Variants in ANKRD26 observed in about 807,000 individuals in gnomAD.
The protein encoded by ANKRD26 is ankyrin repeat domain 26.
In ANKRD26, 141 loss-of-function variants were observed where a neutral mutation model predicts 208.7. The ratio of observed to expected loss-of-function variants is 0.68; its 90% confidence interval spans 0.59 to 0.78. ANKRD26 has a LOEUF of 0.78. Ranked by LOEUF, ANKRD26 falls within the 30% of genes least tolerant of loss-of-function variation. ANKRD26 has a pLI of 0.00. For missense variants in ANKRD26, 1,889 were observed against 1,938.7 expected (o/e 0.97, Z 0.48); for synonymous variants, 636 against 660.4 (o/e 0.96, Z 0.57).
rs182670159 is a variant in ANKRD26 at position 27,032,730 on chromosome 10, G to A, written c.3807+495C>T. On this transcript the variant is annotated intron_variant, in intron 25 of 33. Transcript: ENST00000376087. ...CTCAGGAGGCTGAGGCAAAAGAATC[G>A]CTTGAACCGGGGAGGTGAAGGTTGC... 3.5e-4 allele frequency among the ~76,000 whole-genome samples: 53 copies of A among 151,942 alleles called. No homozygotes were observed. The East Asian group carries it at 3.7e-3, about 11-fold the overall frequency.
chr10:27,007,099 T>C, intron 32 of ANKRD26, 137 bp from the exon 33 acceptor site: 2 of 622,600 alleles, frequency 3.2e-6, no homozygotes, highest in Non-Finnish European at 5.7e-6. Flanking sequence ...AATATAAAAA[T>C]AATCACATAA....
At chr10:27,063,473 ACCACAC>A (rs1336380027) in intron 12 of ANKRD26, among the ~76,000 whole-genome samples, 3 of 152,006 alleles carry the variant, frequency 2.0e-5, no homozygotes, top group African/African-American at 4.8e-5. Flanking sequence ...GGTGCGTGCC[ACCACAC>A]CCAGCTAATT....
intron 23 of ANKRD26, 100 bp from the exon 24 acceptor site, chr10:27,035,852 G>T (rs66585308): frequency 8.7e-6 from 8 of 920,246 alleles, no homozygotes; most frequent in Non-Finnish European, 1.3e-5. Context: ...TACAATAAAG[G>T]GTTGCAATAA....
At chr10:27,095,169 T>C (rs1404555676) in intron 1 of ANKRD26, among the ~76,000 whole-genome samples, 1 of 152,216 alleles carries the variant, frequency 6.6e-6, no homozygotes, top group Non-Finnish European at 1.5e-5. Flanking sequence ...TAAAACAAAG[T>C]AATTCTTATT....
At chr10:27,057,010 T>C (rs900227558) in intron 15 of ANKRD26, among the ~76,000 whole-genome samples, 3 of 152,214 alleles carry the variant, frequency 2.0e-5, no homozygotes, top group Admixed American at 6.5e-5. Context: ...TGATTTTTGG[T>C]CACTGACTGT....
At chr10:27,009,411 A>AT (rs1164311563) in intron 32 of ANKRD26, among the ~76,000 whole-genome samples, 3 of 152,344 alleles carry the variant, frequency 2.0e-5, no homozygotes, top group African/African-American at 2.4e-5. Flanking sequence ...AGTCCCTTTC[A>AT]TTTTATTCCT....
In ANKRD26 at chr10:27,093,497, C is replaced by T; in HGVS notation, c.383G>A (p.Cys128Tyr). ...MKAVQCQEEK[C>Y]ATILLEHGAD... ...ACCATGTTCTAGCAGAATAGTTGCA[C>T]ATTTCTCTTCCTGGCATTGTACAGC... The change falls in exon 3 of 34, where the codon TGT becomes TAT. Residue 128 changes from cysteine (C) to tyrosine (Y), a missense_variant. Physicochemically the swap from Cys to Tyr is radical, Grantham distance 194. Coordinates refer to ENST00000376087, the MANE Select transcript of ANKRD26 (RefSeq NM_014915.3). 3 of 1,614,186 alleles carry T rather than the reference C, an allele frequency of 1.9e-6. No homozygotes were observed. Among genetic ancestry groups the T allele is most frequent in the Non-Finnish European group, 8.5e-7 (1 of 1,180,038 alleles).
downstream of ANKRD26, among the ~76,000 whole-genome samples, chr10:26,987,486 A>C (rs1165616020): frequency 6.6e-6 from 1 of 152,188 alleles, no homozygotes; most frequent in African/African-American, 2.4e-5. Context: ...ACCTCTAATA[A>C]GGAAACCACG....
At chr10:27,039,818 T>A in intron 21 of ANKRD26, 147 bp downstream of exon 21, 1 of 675,442 alleles carries the variant, frequency 1.5e-6, no homozygotes. Context: ...TAAGAACTAG[T>A]TATATTATTT....
chr10:27,065,927 G>A (rs1424127730), intron 11 of ANKRD26, among the ~76,000 whole-genome samples: 2 of 133,236 alleles, frequency 1.5e-5, no homozygotes, highest in African/African-American at 5.5e-5. Flanking sequence ...GTGCAGCAGC[G>A]CGATCTCAGC....
intron 30 of ANKRD26, among the ~76,000 whole-genome samples, chr10:27,015,029 T>A (rs1283865853): frequency 6.6e-5 from 10 of 151,878 alleles, no homozygotes; most frequent in Non-Finnish European, 1.5e-5. Context: ...ATATAGAAAA[T>A]AAAAAATTAT....
At position 27,077,534 on chromosome 10, in the gene ANKRD26, G is replaced by A. The variant is rs1178839045; in HGVS notation, c.881C>T (p.Ala294Val). Residue 294 changes from alanine to valine, a missense_variant, in exon 9 of 34, where the codon GCA becomes GTA. Physicochemically the swap from Ala to Val is moderately conservative, Grantham distance 64. Coordinates refer to ENST00000376087, the MANE Select transcript of ANKRD26 (RefSeq NM_014915.3). ...TCCTGTTCTCACAGTGCCATATGTT[G>A]CTTCTACTACAGTAAAAACAAAATA... Reference protein sequence around the residue: ...ASQQSRKNLEATYGTVRTGNR... With the variant: ...ASQQSRKNLEVTYGTVRTGNR... 3 of 1,613,660 alleles carry A rather than the reference G, an allele frequency of 1.9e-6. No individual in the cohort carries two copies. The highest frequency in any genetic ancestry group is 2.2e-5 in the East Asian group (1 of 44,872).
intron 4 of ANKRD26, among the ~76,000 whole-genome samples, chr10:27,087,906 G>A (rs2056174858): frequency 6.6e-6 from 1 of 151,966 alleles, no homozygotes. Flanking sequence ...TCAGCCCCAC[G>A]AGTAGCTAGG....
At chr10:27,012,513 G>T (rs11015453) in intron 32 of ANKRD26, among the ~76,000 whole-genome samples, 1,862 of 151,876 alleles carry the variant, frequency 0.012, 22 homozygotes, top group South Asian at 0.036. Flanking sequence ...TTAAAAACAA[G>T]AATTATATCA....
downstream of ANKRD26, among the ~76,000 whole-genome samples, chr10:26,991,500 G>C (rs950219518): frequency 6.6e-6 from 1 of 151,846 alleles, no homozygotes; most frequent in South Asian, 2.1e-4. Context: ...GCAATGGCAC[G>C]ATCTTGGCTC....
At chr10:26,948,164 C>A in the ANKRD26 span, among the ~76,000 whole-genome samples, 1 of 152,204 alleles carries the variant, frequency 6.6e-6, no homozygotes, top group African/African-American at 2.4e-5. Context: ...TGGTCTTCAA[C>A]TCCTGACCTC....
rs750400044 is a variant in ANKRD26, at chr10:27,086,575, T to C, written c.673A>G (p.Arg225Gly). The change falls in exon 5 of 34, where the codon AGG becomes GGG. Residue 225 changes from arginine to glycine, a missense_variant. By Grantham distance (125) the Arg-to-Gly change is moderately radical (BLOSUM62 -2). This residue lies in a region of ANKRD26 where 1,272 missense variants were observed against 1,273.8 expected (regional missense o/e 1.00). Transcript: ENST00000376087. ...TTTTGAGAAGAATGTTTAGGTATCC[T>C]TTCTTCTTTATATTCTGAAATTAGT... ...HQLISEYKEE[R>G]IPKHSSQNSN... 2.5e-6 allele frequency: 4 copies of C among 1,605,444 alleles called. No homozygotes were observed. The highest frequency in any genetic ancestry group is 3.4e-6 in the Non-Finnish European group (4 of 1,174,692).
At chr10:26,984,114 T>C (rs2052349617) in intron 3 of ANKRD26, among the ~76,000 whole-genome samples, 1 of 152,212 alleles carries the variant, frequency 6.6e-6, no homozygotes, top group South Asian at 2.1e-4. Flanking sequence ...TGCAGCGTTT[T>C]GAGATTCACT....
At chr10:27,067,347 C>T in intron 9 of ANKRD26, 61 bp from the exon 10 acceptor site, 12 of 1,564,294 alleles carry the variant, frequency 7.7e-6, no homozygotes, top group Admixed American at 1.7e-5. Context: ...TATTCACTTA[C>T]CCATTCAATC....
Sources: allele counts gnomAD v4.1 joint callset (sites outside exome capture counted in the v4.1 genomes callset), GRCh38; gene constraint gnomAD v4.1.1; regional missense constraint gnomAD v4.1.1; transcripts MANE v1.5; gene names NCBI Gene and HGNC (gene_info 2026-07-23, HGNC 2026-07-21).